The following CNOT10 variants were observed in gnomAD, a reference collection of about 807,000 sequenced individuals.
The protein encoded by CNOT10 is CCR4-NOT transcription complex subunit 10.
In CNOT10, 30 loss-of-function variants were observed where a neutral mutation model predicts 94.6. The ratio of observed to expected loss-of-function variants is 0.32; its 90% CI spans 0.24 to 0.43. CNOT10 has a LOEUF of 0.43. Among genes scored for constraint, CNOT10 ranks in the 20% least tolerant of loss-of-function variants. The probability of loss-of-function intolerance (pLI) is 1.00; values close to 1 mark genes in which losing one functional copy is unlikely to be tolerated. For synonymous variants in CNOT10, 289 were observed against 301.6 expected, an observed-to-expected ratio of 0.96 and a Z score of 0.43; for missense variants, 759 against 877.2, an observed-to-expected ratio of 0.87 and a Z score of 1.70.
At chr3:32,713,556 T>C (rs1228038887) in intron 5 of CNOT10, among the ~76,000 whole-genome samples, 187 bp downstream of exon 5, 3 of 152,198 alleles carry the variant, frequency 2.0e-5, no homozygotes, top group Non-Finnish European at 4.4e-5. Context: ...AGTTTAGTGG[T>C]TTTGAGTGTA....
chr3:32,725,671 G>GGTATT, intron 9 of CNOT10, 72 bp downstream of exon 9: 1 of 1,364,262 alleles, frequency 7.3e-7, no homozygotes, highest in Non-Finnish European at 1.0e-6. Flanking sequence ...CATGAATGTG[G>GGTATT]TTAAAATACC....
At chr3:32,753,122 G>A (rs1700036511) in intron 13 of CNOT10, 6 of 568,258 alleles carry the variant, frequency 1.1e-5, no homozygotes, top group African/African-American at 1.9e-5. Context: ...GAAGTCTCTC[G>A]AATTCAATCC....
At position 32,685,216 on chromosome 3, in the gene CNOT10, A is replaced by G. The variant is rs1370118371; in HGVS notation, c.-245A>G. On this transcript the variant is annotated 5_prime_UTR_variant, in exon 1 of 19. Coordinates refer to ENST00000328834, the MANE Select transcript of CNOT10 (RefSeq NM_015442.3). Reference sequence around the variant, plus strand: ...GGGTACCGGGACGCCGTGAGGCGGAAGCTGTGTATGGCGGGAGGCTGTGGC... The same window carrying G: ...GGGTACCGGGACGCCGTGAGGCGGAGGCTGTGTATGGCGGGAGGCTGTGGC... The G allele has an allele frequency of 2.1e-5, 9 of 426,366 alleles. No homozygotes were observed. Among genetic ancestry groups the G allele is most frequent in the Non-Finnish European group, 4.3e-6 (1 of 234,830 alleles). 26.4% of individuals were successfully genotyped at this position (426,366 alleles called of 1,614,324 possible). A position where few individuals can be genotyped will look rare whatever the true frequency, so the allele number is the denominator to read the frequency against.
chr3:32,748,661 C>T (rs1385080315), intron 13 of CNOT10, among the ~76,000 whole-genome samples: 2 of 151,566 alleles, frequency 1.3e-5, no homozygotes, highest in East Asian at 1.9e-4. Context: ...TACAGCTGCC[C>T]ACCACACCCG....
Position 32,773,260 on chromosome 3 carries a change from G to C in CNOT10, c.2081-197G>C, listed in dbSNP as rs936944554. ...AAGCTTTTTAAAATTCCATTGCCTG[G>C]GCCATGCCCTACATCGCTTAAATCA... On this transcript the variant is annotated intron_variant, in intron 18 of 18. Transcript: ENST00000328834. 4.6e-5 allele frequency among the ~76,000 whole-genome samples: 7 copies of C among 152,040 alleles called. No individual in the cohort carries two copies. The South Asian group carries it at 1.0e-3, about 22-fold the overall frequency.
chr3:32,688,444 A>C (rs1696718410), intron 1 of CNOT10, among the ~76,000 whole-genome samples: 1 of 151,912 alleles, frequency 6.6e-6, no homozygotes, highest in Admixed American at 6.6e-5. Context: ...TAAAAATACA[A>C]AAATTAGCCA....
chr3:32,700,796 A>G (rs375427403), intron 1 of CNOT10, among the ~76,000 whole-genome samples: 23 of 152,326 alleles, frequency 1.5e-4, no homozygotes, highest in African/African-American at 5.5e-4. Flanking sequence ...CTATGTTTGC[A>G]GCCCATGACA....
intron 12 of CNOT10, 130 bp from the exon 13 acceptor site, chr3:32,737,280 A>G (rs1350098904): frequency 1.7e-6 from 1 of 594,158 alleles, no homozygotes; most frequent in East Asian, 3.0e-5. Flanking sequence ...GTGCAATTGC[A>G]CTCCATCCTG....
intron 1 of CNOT10, 127 bp downstream of exon 1, chr3:32,685,609 T>C (rs957106988): frequency 2.0e-6 from 2 of 1,006,508 alleles, no homozygotes; most frequent in Non-Finnish European, 3.0e-6. Flanking sequence ...TGCATTTCTT[T>C]ACCCCATCCT....
chr3:32,749,619 A>G (rs1699869400), intron 13 of CNOT10, among the ~76,000 whole-genome samples: 2 of 151,950 alleles, frequency 1.3e-5, no homozygotes, highest in African/African-American at 2.4e-5. Flanking sequence ...CATGTTGGTC[A>G]TGCTGGTCTC....
chr3:32,753,851 A>T, intron 13 of CNOT10: 1 of 1,505,810 alleles, frequency 6.6e-7, no homozygotes. Flanking sequence ...TGATGTAGGT[A>T]AAAGGAAAGT....
At chr3:32,734,769 C>T in intron 11 of CNOT10, 31 bp from the exon 12 acceptor site, 2 of 1,505,624 alleles carry the variant, frequency 1.3e-6, no homozygotes, top group South Asian at 1.3e-5. Context: ...ATATTTTATC[C>T]ACTTAGCTAA....
chr3:32,687,951 T>C (rs1352177369), intron 1 of CNOT10, among the ~76,000 whole-genome samples: 3 of 152,182 alleles, frequency 2.0e-5, no homozygotes, highest in Non-Finnish European at 2.9e-5. Flanking sequence ...CTGCTTCCTC[T>C]CTGAGCTCAC....
At chr3:32,692,193 C>G (rs1037752356) in intron 1 of CNOT10, among the ~76,000 whole-genome samples, 20 of 152,180 alleles carry the variant, frequency 1.3e-4, no homozygotes, top group African/African-American at 4.6e-4. Flanking sequence ...AAAACCCTGT[C>G]TCTACAAAAA....
intron 1 of CNOT10, among the ~76,000 whole-genome samples, chr3:32,690,567 G>C (rs1696806209): frequency 6.7e-6 from 1 of 149,256 alleles, no homozygotes; most frequent in Non-Finnish European, 1.5e-5. Context: ...TTTTTTTTGA[G>C]ACAGAGTCTC....
intron 1 of CNOT10, among the ~76,000 whole-genome samples, chr3:32,688,368 G>T (rs547770422): frequency 1.3e-5 from 2 of 152,106 alleles, no homozygotes; most frequent in Non-Finnish European, 2.9e-5. Flanking sequence ...GGAGGCTGAG[G>T]GGGGTGGATC....
chr3:32,767,452 G>A (rs879296220), intron 17 of CNOT10, among the ~76,000 whole-genome samples: 14 of 150,848 alleles, frequency 9.3e-5, no homozygotes, highest in Non-Finnish European at 1.9e-4. Flanking sequence ...GCAGGAGGTG[G>A]AGGTTGTGGT....
intron 2 of CNOT10, 28 bp from the exon 3 acceptor site, chr3:32,704,779 TTGTG>T (rs772306771): frequency 2.0e-6 from 3 of 1,494,634 alleles, no homozygotes; most frequent in Non-Finnish European, 2.7e-6. Flanking sequence ...GTATGTAATT[TTGTG>T]TGTGTGTGTG....
intron 13 of CNOT10, among the ~76,000 whole-genome samples, chr3:32,755,199 T>C (rs1309898498): frequency 2.7e-5 from 4 of 150,010 alleles, no homozygotes; most frequent in Admixed American, 2.0e-4. Flanking sequence ...TGAGCAGAGA[T>C]CATGCCATTG....
Sources: allele counts gnomAD v4.1 joint callset (sites outside exome capture counted in the v4.1 genomes callset), GRCh38; gene constraint gnomAD v4.1.1; transcripts MANE v1.5; gene names NCBI Gene and HGNC (gene_info 2026-07-23, HGNC 2026-07-21).